Variants in AGBL1 observed in about 807,000 individuals in gnomAD.
AGBL1 encodes cytosolic carboxypeptidase 4.
In AGBL1, 130 loss-of-function variants were observed where a neutral mutation model predicts 118.9. The observed-to-expected ratio is 1.09, with a 90% CI of 0.95 to 1.26. The LOEUF (loss-of-function observed/expected upper bound fraction) is 1.26. Among genes scored for constraint, AGBL1 ranks in the 50% most tolerant of loss-of-function variants. AGBL1 has a pLI of 0.00. For synonymous variants in AGBL1, 555 were observed against 478.9 expected (o/e 1.16, Z -2.08); for missense variants, 1,584 against 1,298.1 (o/e 1.22, Z -3.38).
intron 22 of AGBL1, among the ~76,000 whole-genome samples, chr15:86,722,146 G>GA (rs1366059635): frequency 2.0e-5 from 3 of 152,082 alleles, no homozygotes; most frequent in Non-Finnish European, 2.9e-5. Context: ...CACAGAATTG[G>GA]AAAAAACTAC....
At chr15:86,597,412 T>C (rs951117998) in intron 21 of AGBL1, among the ~76,000 whole-genome samples, 4 of 152,090 alleles carry the variant, frequency 2.6e-5, no homozygotes, top group Non-Finnish European at 2.9e-5. Context: ...AAATTGGCCA[T>C]GGTATGGGTA....
chr15:86,421,049 C>T (rs531994781), intron 18 of AGBL1, among the ~76,000 whole-genome samples: 27 of 152,112 alleles, frequency 1.8e-4, no homozygotes, highest in East Asian at 3.9e-4. Context: ...GGATATTATC[C>T]GGGAAAACTT....
intron 22 of AGBL1, among the ~76,000 whole-genome samples, chr15:86,776,750 ATGTGTGTGTG>A (rs10570012): frequency 0.2 from 27,545 of 139,630 alleles, 2,726 homozygotes; most frequent in East Asian, 0.24. Context: ...ATATATATAT[ATGTGTGTGTG>A]TGTGTGTGTG....
intron 5 of AGBL1, among the ~76,000 whole-genome samples, chr15:86,203,255 A>G (rs2077936448): frequency 6.6e-6 from 1 of 152,202 alleles, no homozygotes; most frequent in Non-Finnish European, 1.5e-5. Flanking sequence ...TCTAAGATCA[A>G]CACATTTTCA....
intron 18 of AGBL1, among the ~76,000 whole-genome samples, chr15:86,460,657 A>T (rs2082323960): frequency 6.6e-6 from 1 of 152,190 alleles, no homozygotes; most frequent in Admixed American, 6.5e-5. Flanking sequence ...ACACCACGGG[A>T]AATCCTTACC....
chr15:86,420,427 A>G (rs1295715785), intron 18 of AGBL1, among the ~76,000 whole-genome samples: 4 of 152,332 alleles, frequency 2.6e-5, no homozygotes, highest in African/African-American at 9.6e-5. Flanking sequence ...ATCAAAATCA[A>G]CAAAGAGAAC....
intron 23 of AGBL1, among the ~76,000 whole-genome samples, chr15:86,927,917 T>G (rs2080562265): frequency 7.2e-6 from 1 of 138,552 alleles, no homozygotes; most frequent in Non-Finnish European, 1.6e-5. Flanking sequence ...GGACAGCAAA[T>G]TCATAGTTTT....
intron 22 of AGBL1, among the ~76,000 whole-genome samples, chr15:86,858,371 A>G (rs775844182): frequency 2.0e-5 from 3 of 152,150 alleles, no homozygotes; most frequent in Non-Finnish European, 2.9e-5. Flanking sequence ...TTCCTTTAAC[A>G]CTATGCTGGG....
chr15:86,266,555 C>A, intron 12 of AGBL1, 98 bp downstream of exon 12: 1 of 834,336 alleles, frequency 1.2e-6, no homozygotes, highest in Non-Finnish European at 1.8e-6. Context: ...ACTCCTCCTC[C>A]TAAAACAGCA....
chr15:86,422,685 G>T (rs1251290472), intron 18 of AGBL1, among the ~76,000 whole-genome samples: 1 of 151,936 alleles, frequency 6.6e-6, no homozygotes, highest in African/African-American at 2.4e-5. Context: ...TAACAAAATA[G>T]ATAGACCACT....
At chr15:86,927,455 A>T (rs2080556003) in intron 23 of AGBL1, among the ~76,000 whole-genome samples, 1 of 151,216 alleles carries the variant, frequency 6.6e-6, no homozygotes, top group Admixed American at 6.6e-5. Context: ...GTGTGGTGGC[A>T]CAGGCCTATA....
intron 5 of AGBL1, among the ~76,000 whole-genome samples, chr15:86,176,406 G>T (rs563702337): frequency 1.3e-5 from 2 of 152,368 alleles, no homozygotes; most frequent in African/African-American, 4.8e-5. Flanking sequence ...TGTGTCTGGG[G>T]ATGCAAGGTT....
intron 17 of AGBL1, among the ~76,000 whole-genome samples, chr15:86,363,954 G>C (rs1449919594): frequency 1.3e-5 from 2 of 152,086 alleles, no homozygotes; most frequent in African/African-American, 2.4e-5. Flanking sequence ...TCCATAATCA[G>C]TGCCCAGCTT....
At chr15:86,610,255 G>C (rs572040119) in intron 21 of AGBL1, among the ~76,000 whole-genome samples, 9 of 152,080 alleles carry the variant, frequency 5.9e-5, no homozygotes, top group African/African-American at 2.2e-4. Context: ...CCACCATACT[G>C]TTGGGTTAAT....
intron 18 of AGBL1, among the ~76,000 whole-genome samples, chr15:86,517,168 G>C (rs2083131739): frequency 6.6e-6 from 1 of 152,204 alleles, no homozygotes; most frequent in South Asian, 2.1e-4. Flanking sequence ...GATGCTAAAA[G>C]TCCTAAATAT....
Position 87,003,660 on chromosome 15 carries a change from TTATTGGTC to T in AGBL1, c.3323+15577_3323+15584del, listed in dbSNP as rs549475685. ...ATTATTGACTCAATTTCAGTGCCTGTTATTGGTCTATTCAGAGATTCAACTTCTTCCTG... is the reference window on the plus strand; with the variant it reads ...ATTATTGACTCAATTTCAGTGCCTGTTATTCAGAGATTCAACTTCTTCCTG... On this transcript the variant is annotated intron_variant, in intron 24 of 24. Coordinates refer to the AGBL1 transcript ENST00000441037. 6.5e-3 allele frequency among the ~76,000 whole-genome samples: 989 copies of T among 152,270 alleles called. 8 individuals carry two copies. The highest frequency in any genetic ancestry group is 0.034 in the Middle Eastern group (10 of 294).
At chr15:86,823,505 T>C (rs2141393424) in intron 22 of AGBL1, among the ~76,000 whole-genome samples, 1 of 152,274 alleles carries the variant, frequency 6.6e-6, no homozygotes, top group Middle Eastern at 3.4e-3. Context: ...TCCAGGCCAA[T>C]AATCAGGGTT....
At chr15:86,211,382 A>T (rs191659205) in intron 5 of AGBL1, among the ~76,000 whole-genome samples, 51 of 152,354 alleles carry the variant, frequency 3.3e-4, no homozygotes, top group African/African-American at 1.1e-3. Context: ...GCTGTCAGAC[A>T]GGGACATTTA....
intron 18 of AGBL1, among the ~76,000 whole-genome samples, chr15:86,410,826 AT>A (rs1567242769): frequency 1.8e-5 from 2 of 113,140 alleles, no homozygotes; most frequent in African/African-American, 3.6e-5. Flanking sequence ...ATATATATAT[AT>A]ATATATATAT....
Sources: gnomAD v4.1 joint callset for allele counts (sites outside exome capture counted in the v4.1 genomes callset) on GRCh38, gnomAD v4.1.1 for gene constraint, MANE v1.5 for transcripts, NCBI Gene and HGNC (gene_info 2026-07-23, HGNC 2026-07-21) for gene names.